Variants in PRRT3 observed in about 807,000 individuals in gnomAD.
PRRT3 encodes proline-rich transmembrane protein 3.
Under a neutral mutation model 56.6 loss-of-function variants are expected in PRRT3, and 48 were observed. The ratio of observed to expected loss-of-function variants is 0.85; its 90% CI spans 0.67 to 1.08. PRRT3 has a LOEUF of 1.08. Among genes scored for constraint, PRRT3 ranks in the 50% least tolerant of loss-of-function variants. The pLI, the probability that PRRT3 is intolerant of heterozygous loss-of-function variation, is 0.00. For missense variants in PRRT3, 1,370 were observed against 1,353.1 expected, an observed-to-expected ratio of 1.01 and a Z score of -0.20; for synonymous variants, 641 against 619.1, an observed-to-expected ratio of 1.04 and a Z score of -0.52.
rs2124874417 is a variant in PRRT3 at position 9,946,347 on chromosome 3, A to C, written c.2826T>G (p.Pro942=). 6.2e-7 allele frequency: 1 copy of C among 1,611,896 alleles called. No homozygotes were observed. The highest frequency in any genetic ancestry group is 8.5e-7 in the Non-Finnish European group (1 of 1,179,386). ...DELPSTVQLL[P]APTPAPDSTA... ...TAGAATCAGGGGCTGGGGTCGGGGC[A>C]GGCAGTAGCTGTACCGTGCTGGGCA... The change falls in exon 4 of 4, where the codon CCT becomes CCG. Residue 942 remains proline, a synonymous_variant. Transcript: ENST00000412055. The surrounding 1 kb of genome is among the most constrained non-coding windows in gnomAD (Gnocchi z 4.1).
intron 3 of PRRT3, 63 bp from the exon 4 acceptor site, chr3:9,948,064 T>G (rs974158638): frequency 1.6e-6 from 2 of 1,270,568 alleles, no homozygotes; most frequent in African/African-American, 1.5e-5. Context: ...TATCACCCTC[T>G]AGTGTGGTTG....
intron 1 of PRRT3, among the ~76,000 whole-genome samples, chr3:9,950,967 G>A (rs954212702): frequency 7.2e-5 from 11 of 152,144 alleles, no homozygotes; most frequent in Non-Finnish European, 1.6e-4. Context: ...CAGTAAAATG[G>A]GGATAATAAG....
chr3:9,950,216 GC>G lies in PRRT3; in HGVS notation c.-57-45del, dbSNP rs2085602997. The G allele has an allele frequency of 5.2e-6, 5 of 964,750 alleles. No individual in the cohort carries two copies. The East Asian group carries it at 1.6e-4, about 31-fold the overall frequency. The allele number at this position is 964,750 out of a possible 1,614,324, so 59.8% of individuals were successfully genotyped here. On this transcript the variant is annotated intron_variant, in intron 1 of 3. Coordinates refer to ENST00000412055, the MANE Select transcript of PRRT3 (RefSeq NM_207351.5). ...ATGGAATGACATGTGAGGGCTGGGG[GC>G]CCCCATGCCTTCCTCAAGGGGCTGA...
Position 9,949,030 on chromosome 3 carries a change from A to T in PRRT3, c.1015+71T>A. ...AAAGAGGAAAATGAGACCTAGAGGG[A>T]CCCAGGGTCAAACAGAATTGAGGCA... On this transcript the variant is annotated intron_variant, in intron 2 of 3. Coordinates refer to ENST00000412055, the MANE Select transcript of PRRT3 (RefSeq NM_207351.5). The surrounding 1 kb of genome is among the most constrained non-coding windows in gnomAD (Gnocchi z 4.5). 6.6e-7 allele frequency: 1 copy of T among 1,522,466 alleles called. No homozygotes were observed. Among genetic ancestry groups the T allele is most frequent in the South Asian group, 1.3e-5 (1 of 77,346 alleles). 94.3% of individuals were successfully genotyped at this position (1,522,466 alleles called of 1,614,324 possible). A position where few individuals can be genotyped will look rare whatever the true frequency, so the allele number is the denominator to read the frequency against.
At position 9,949,199 on chromosome 3, in the gene PRRT3, G is replaced by A. The variant is rs373679892; in HGVS notation, c.917C>T (p.Pro306Leu). 59 of 1,609,132 alleles carry A rather than the reference G, an allele frequency of 3.7e-5. No individual in the cohort carries two copies. Among genetic ancestry groups the A allele is most frequent in the Non-Finnish European group, 2.2e-5 (26 of 1,178,070 alleles). The change falls in exon 2 of 4, where the codon CCG becomes CTG. Residue 306 changes from proline to leucine, a missense_variant. Pro to Leu is a moderately conservative substitution (Grantham distance 98, BLOSUM62 -3). Coordinates refer to ENST00000412055, the MANE Select transcript of PRRT3 (RefSeq NM_207351.5). This position sits in a 1 kb window ranked among gnomAD's most constrained non-coding sequence, Gnocchi z 4.5. ...VSWEVSSPGP[P>L]PKQADLPDAK... Reference sequence around the variant, plus strand: ...GTCAGGAAGGTCAGCCTGCTTGGGCGGGGGACCTGGGGAGCTGACTTCCCA... The same window carrying A: ...GTCAGGAAGGTCAGCCTGCTTGGGCAGGGGACCTGGGGAGCTGACTTCCCA...
rs2085527885 is a variant in PRRT3 at position 9,946,644 on chromosome 3, C to T, written c.2529G>A (p.Pro843=). ...RCGLRGLASP[P]PGGALRPRRG... ...GGCGCGGCCGCAGAGCGCCTCCAGG[C>T]GGCGGGGAGGCCAGGCCGCGGAGGC... The change falls in exon 4 of 4, where the codon CCG becomes CCA. Residue 843 remains proline (P), a synonymous_variant. Coordinates refer to ENST00000412055, the MANE Select transcript of PRRT3 (RefSeq NM_207351.5). The surrounding 1 kb of genome is among the most constrained non-coding windows in gnomAD (Gnocchi z 4.1). 2 of 1,396,176 alleles carry T rather than the reference C, an allele frequency of 1.4e-6. No individual in the cohort carries two copies. Among genetic ancestry groups the T allele is most frequent in the East Asian group, 2.9e-5 (1 of 33,914 alleles). The allele number at this position is 1,396,176 out of a possible 1,614,324, so 86.5% of individuals were successfully genotyped here.
chr3:9,949,208 G>A lies in PRRT3; in HGVS notation c.908C>T (p.Pro303Leu). ...GAEVSWEVSS[P>L]GPPPKQADLP... ...GTCAGCCTGCTTGGGCGGGGGACCT[G>A]GGGAGCTGACTTCCCAGGACACCTC... Residue 303 changes from proline to leucine, a missense_variant, in exon 2 of 4, where the codon CCA (proline) becomes CTA (leucine). Transcript: ENST00000412055. This position sits in a 1 kb window ranked among gnomAD's most constrained non-coding sequence, Gnocchi z 4.5. 6.2e-7 allele frequency: 1 copy of A among 1,608,746 alleles called. No individual in the cohort carries two copies. Among genetic ancestry groups the A allele is most frequent in the Non-Finnish European group, 8.5e-7 (1 of 1,177,728 alleles).
Position 9,945,996 on chromosome 3 carries a change from T to G in PRRT3, c.*231A>C. 1 of 552,972 alleles carries G rather than the reference T, an allele frequency of 1.8e-6. No individual in the cohort carries two copies. Among genetic ancestry groups the G allele is most frequent in the Non-Finnish European group, 3.0e-6 (1 of 337,458 alleles). 34.3% of individuals were successfully genotyped at this position (552,972 alleles called of 1,614,324 possible). A position where few individuals can be genotyped will look rare whatever the true frequency, so the allele number is the denominator to read the frequency against. ...CTACAGGCGTGTGCCACCTGGCTAA[T>G]TTTTTTGTATTTTTAGTAGAGACGA... On this transcript the variant is annotated 3_prime_UTR_variant, in exon 4 of 4. Transcript: ENST00000412055.
chr3:9,948,934 T>G (rs199707271), intron 2 of PRRT3, 21 bp from the exon 3 acceptor site: 281 of 1,549,218 alleles, frequency 1.8e-4, no homozygotes, highest in Non-Finnish European at 2.2e-4. Context: ...AAAGCAGTCA[T>G]CACCTTACCT....
Position 9,949,095 on chromosome 3 carries a change from AC to A in PRRT3, c.1015+5del. The A allele has an allele frequency of 5.7e-6, 9 of 1,590,796 alleles. No individual in the cohort carries two copies. The highest frequency in any genetic ancestry group is 7.7e-6 in the Non-Finnish European group (9 of 1,172,120). On this transcript the variant is annotated splice_donor_5th_base_variant and intron_variant, in intron 2 of 3. Transcript: ENST00000412055. This position sits in a 1 kb window ranked among gnomAD's most constrained non-coding sequence, Gnocchi z 4.5. ...AACATCGCTCAGCACACTCATTGAT[AC>A]CCACCTGGCTTAGACGGCCGATCAG...
In PRRT3 at chr3:9,946,553, A is replaced by G. The variant is rs1169807068; in HGVS notation, c.2620T>C (p.Ser874Pro). 2.1e-6 allele frequency: 3 copies of G among 1,430,098 alleles called. No homozygotes were observed. Among genetic ancestry groups the G allele is most frequent in the Non-Finnish European group, 2.7e-6 (3 of 1,091,348 alleles). 88.6% of individuals were successfully genotyped at this position (1,430,098 alleles called of 1,614,324 possible). ...GSSLLRGRCRSLSDVRVRGPV... is the reference protein window; with the variant it reads ...GSSLLRGRCRPLSDVRVRGPV... ...CCGCGCACGCGCACGTCGCTGAGCG[A>G]CCTGCAGCGGCCGCGGAGGAGCGAG... is the stretch of plus-strand genomic sequence containing the variant. The change falls in exon 4 of 4, where the codon TCG (serine) becomes CCG (proline). Residue 874 changes from serine (S) to proline (P), a missense_variant. Coordinates refer to ENST00000412055, the MANE Select transcript of PRRT3 (RefSeq NM_207351.5). The surrounding 1 kb of genome is among the most constrained non-coding windows in gnomAD (Gnocchi z 4.1).
intron 1 of PRRT3, 131 bp from the exon 2 acceptor site, chr3:9,950,303 A>C (rs548654678): frequency 9.3e-4 from 381 of 410,056 alleles, no homozygotes; most frequent in Non-Finnish European, 1.5e-3. Flanking sequence ...TGGACGTGGC[A>C]CTTGCCCTGC....
intron 3 of PRRT3, chr3:9,948,379 G>A: frequency 5.3e-6 from 2 of 376,768 alleles, no homozygotes; most frequent in South Asian, 1.2e-4. Flanking sequence ...ATCCAGGCTG[G>A]TGTGCAGTGG....
At position 9,946,266 on chromosome 3, in the gene PRRT3, C is replaced by T. The variant is rs1208401767; in HGVS notation, c.2907G>A (p.Gly969=). The change falls in exon 4 of 4, where the codon GGG becomes GGA. Residue 969 remains glycine, a synonymous_variant. Coordinates refer to ENST00000412055, the MANE Select transcript of PRRT3 (RefSeq NM_207351.5). This position sits in a 1 kb window ranked among gnomAD's most constrained non-coding sequence, Gnocchi z 4.1. The part of the protein sequence containing the change: ...QGEVQPRGKP[G]ESRSASSDTI... Reference sequence around the variant, plus strand: ...TATCACTGGAGGCGCTGCGGGATTCCCCAGGCTTGCCGCGCGGCTGGACCT... The same window carrying T: ...TATCACTGGAGGCGCTGCGGGATTCTCCAGGCTTGCCGCGCGGCTGGACCT... 6.2e-7 allele frequency: 1 copy of T among 1,612,744 alleles called. No individual in the cohort carries two copies. The highest frequency in any genetic ancestry group is 8.5e-7 in the Non-Finnish European group (1 of 1,179,848).
Position 9,948,776 on chromosome 3 carries a change from T to G in PRRT3, c.1153A>C (p.Met385Leu). ...CTCTCACCTGGCTGCAGGGCCCCCA[T>G]GGGGCTCTCTGTTCGGTTTACAGCT... Reference protein sequence around the residue: ...GPAVNRTESPMGALQPDEAEE... With the variant: ...GPAVNRTESPLGALQPDEAEE... Residue 385 changes from methionine (M) to leucine (L), a missense_variant, in exon 3 of 4, where the codon ATG (methionine) becomes CTG (leucine). By Grantham distance (15) the Met-to-Leu change is conservative. Coordinates refer to ENST00000412055, the MANE Select transcript of PRRT3 (RefSeq NM_207351.5). 1 of 1,613,794 alleles carries G rather than the reference T, an allele frequency of 6.2e-7. No homozygotes were observed. The highest frequency in any genetic ancestry group is 8.5e-7 in the Non-Finnish European group (1 of 1,179,932).
In PRRT3 at chr3:9,946,491, C is replaced by T. The variant is rs61740128; in HGVS notation, c.2682G>A (p.Gly894=). 49,055 of 1,544,646 alleles carry T rather than the reference C, an allele frequency of 0.032. 991 individuals are homozygous for T. The highest frequency in any genetic ancestry group is 0.065 in the South Asian group (5,412 of 83,904). ...AGCTGCCAGAAGCCGCAGCGGCTGCCCCGTCGGGTGCTTCCACTACGTGCT... is the reference window on the plus strand; with the variant it reads ...AGCTGCCAGAAGCCGCAGCGGCTGCTCCGTCGGGTGCTTCCACTACGTGCT... ...VPQHVVEAPD[G]AAAAASGSSL... is the part of the protein sequence containing the mutation. The change falls in exon 4 of 4, where the codon GGG becomes GGA. Residue 894 remains glycine (G), a synonymous_variant. Coordinates refer to ENST00000412055, the MANE Select transcript of PRRT3 (RefSeq NM_207351.5). This position sits in a 1 kb window ranked among gnomAD's most constrained non-coding sequence, Gnocchi z 4.1.
chr3:9,950,843 C>T (rs1027591218), intron 1 of PRRT3, among the ~76,000 whole-genome samples: 4 of 152,178 alleles, frequency 2.6e-5, no homozygotes, highest in Admixed American at 1.3e-4. Context: ...AAATGAGAGA[C>T]GTGGAGAGGG....
In PRRT3 at chr3:9,948,776, T is replaced by C. The variant is rs1249736921; in HGVS notation, c.1153A>G (p.Met385Val). ...CTCTCACCTGGCTGCAGGGCCCCCA[T>C]GGGGCTCTCTGTTCGGTTTACAGCT... is the stretch of plus-strand genomic sequence containing the variant. ...GPAVNRTESP[M>V]GALQPDEAEE... is the part of the protein sequence containing the mutation. Residue 385 changes from methionine (M) to valine (V), a missense_variant, in exon 3 of 4, where the codon ATG (methionine) becomes GTG (valine). Physicochemically the swap from Met to Val is conservative, Grantham distance 21. Transcript: ENST00000412055. 2 of 1,613,794 alleles carry C rather than the reference T, an allele frequency of 1.2e-6. No individual in the cohort carries two copies. Among genetic ancestry groups the C allele is most frequent in the Admixed American group, 3.3e-5 (2 of 60,016 alleles).
At chr3:9,948,134 T>C (rs1332759897) in intron 3 of PRRT3, 133 bp from the exon 4 acceptor site, 6 of 953,972 alleles carry the variant, frequency 6.3e-6, no homozygotes, top group Non-Finnish European at 8.2e-6. Flanking sequence ...ACCTGCCTCA[T>C]TGCGTTGTGA....
Sources: allele counts gnomAD v4.1 joint callset (sites outside exome capture counted in the v4.1 genomes callset), GRCh38; gene constraint gnomAD v4.1.1; non-coding constraint Gnocchi (gnomAD v3.1); transcripts MANE v1.5; gene names NCBI Gene and HGNC (gene_info 2026-07-23, HGNC 2026-07-21).